Variants in KCNH6 observed in about 807,000 individuals in gnomAD.
KCNH6 encodes the protein voltage-gated inwardly rectifying potassium channel KCNH6.
Under a neutral mutation model 83.4 loss-of-function variants are expected in KCNH6, and 81 were observed. That is an observed-to-expected ratio of 0.97 (90% CI 0.81 to 1.17). The LOEUF (loss-of-function observed/expected upper bound fraction) is 1.17. KCNH6 is among the 50% of genes most tolerant of loss of function. KCNH6 has a pLI of 0.00. For missense variants in KCNH6, 1,203 were observed against 1,290.5 expected (o/e 0.93, Z 1.04); for synonymous variants, 503 against 545.6 (o/e 0.92, Z 1.09).
chr17:63,542,399 T>C lies in KCNH6; in HGVS notation c.2113T>C (p.Trp705Arg). The C allele has an allele frequency of 6.2e-7, 1 of 1,614,120 alleles. No homozygotes were observed. Among genetic ancestry groups the C allele is most frequent in the Non-Finnish European group, 8.5e-7 (1 of 1,180,014 alleles). ...DMYPAFAESF[W>R]SKLEVTFNLR... Reference sequence around the variant, plus strand: ...GTACCCGGCCTTTGCGGAGAGCTTCTGGAGTAAGCTGGAGGTCACCTTCAA... The same window carrying C: ...GTACCCGGCCTTTGCGGAGAGCTTCCGGAGTAAGCTGGAGGTCACCTTCAA... The change falls in exon 9 of 13, where the codon TGG becomes CGG. Residue 705 changes from tryptophan to arginine, a missense_variant. Trp to Arg is a moderately radical substitution (Grantham distance 101). Coordinates refer to ENST00000314672, the MANE Select transcript of KCNH6 (RefSeq NM_001278919.2).
At chr17:63,543,029 G>A (rs1227078800) in intron 9 of KCNH6, among the ~76,000 whole-genome samples, 1 of 152,246 alleles carries the variant, frequency 6.6e-6, no homozygotes, top group African/African-American at 2.4e-5. Flanking sequence ...GCTAAGGAGT[G>A]GGACAGCCAG....
At position 63,533,553 on chromosome 17, in the gene KCNH6, A is replaced by C. The variant is rs1040100638; in HGVS notation, c.676-333A>C. Among the ~76,000 whole-genome samples the C allele has an allele frequency of 2.0e-5, 3 of 152,044 alleles. No homozygotes were observed. The highest frequency in any genetic ancestry group is 7.3e-5 in the African/African-American group (3 of 41,366). On this transcript the variant is annotated intron_variant, in intron 4 of 12. Coordinates refer to ENST00000314672, the MANE Select transcript of KCNH6 (RefSeq NM_001278919.2). The surrounding 1 kb of genome is among the most constrained non-coding windows in gnomAD (Gnocchi z 4.1). ...GTGTGGAATGGGTCTATAGATGTCC[A>C]TGGGCCTGGCCCTCCCCTGCCTGGC...
In KCNH6 at chr17:63,523,767, C is replaced by T. The variant is rs1481509750; in HGVS notation, c.76+278C>T. Among the ~76,000 whole-genome samples the T allele has an allele frequency of 1.3e-5, 2 of 152,138 alleles. No individual in the cohort carries two copies. The highest frequency in any genetic ancestry group is 4.8e-5 in the African/African-American group (2 of 41,424). On this transcript the variant is annotated intron_variant, in intron 1 of 12. Transcript: ENST00000314672. This position sits in a 1 kb window ranked among gnomAD's most constrained non-coding sequence, Gnocchi z 4.2. ...TGCCCCAAGTTCGAACCTCCCCTTC[C>T]AGCCACTGCCTGCCCCCTCATCCGC...
chr17:63,533,864 C>T lies in KCNH6; in HGVS notation c.676-22C>T. On this transcript the variant is annotated intron_variant, in intron 4 of 12. Coordinates refer to ENST00000314672, the MANE Select transcript of KCNH6 (RefSeq NM_001278919.2). The surrounding 1 kb of genome is among the most constrained non-coding windows in gnomAD (Gnocchi z 4.1). The stretch of plus-strand genomic sequence containing the variant: ...CAGCAGTGGCTGCCCCGTGCCTGAC[C>T]TCCCTCGGCCCCCACCCCCAGGTCC... The T allele has an allele frequency of 1.9e-6, 3 of 1,600,502 alleles. No individual in the cohort carries two copies. Among genetic ancestry groups the T allele is most frequent in the Middle Eastern group, 1.7e-4 (1 of 5,994 alleles).
chr17:63,528,301 G>A (rs988581741), intron 2 of KCNH6, among the ~76,000 whole-genome samples: 2 of 152,208 alleles, frequency 1.3e-5, no homozygotes, highest in Non-Finnish European at 2.9e-5. Context: ...ATGTGCCCAG[G>A]AGTGGGTGAA....
At chr17:63,524,664 A>C (rs1466257009) in intron 2 of KCNH6, among the ~76,000 whole-genome samples, 1 of 152,134 alleles carries the variant, frequency 6.6e-6, no homozygotes, top group East Asian at 1.9e-4. Context: ...TCTTACTGTC[A>C]GCCCCAGCGG....
chr17:63,534,126 A>G lies in KCNH6; in HGVS notation c.916A>G (p.Ile306Val), dbSNP rs748708090. The change falls in exon 5 of 13, where the codon ATC becomes GTC. Residue 306 changes from isoleucine (I) to valine (V), a missense_variant. Physicochemically the swap from Ile to Val is conservative, Grantham distance 29. Coordinates refer to ENST00000314672, the MANE Select transcript of KCNH6 (RefSeq NM_001278919.2). This position sits in a 1 kb window ranked among gnomAD's most constrained non-coding sequence, Gnocchi z 5.0. ...CAGTCCCCTCACTGTGGTGGATCTC[A>G]TCGTGGACATCATGTTCGTCGTGGA... ...TCSPLTVVDL[I>V]VDIMFVVDIV... 1.3e-5 allele frequency: 20 copies of G among 1,591,834 alleles called. No homozygotes were observed. The East Asian group carries it at 3.4e-4, about 27-fold the overall frequency.
intron 2 of KCNH6, among the ~76,000 whole-genome samples, chr17:63,524,747 C>CT (rs550341609): frequency 1.0e-3 from 154 of 152,330 alleles, no homozygotes; most frequent in Admixed American, 1.7e-3. Context: ...GAGTCACCTC[C>CT]TGAAGACCTC....
chr17:63,529,898 C>T (rs2031968934), intron 2 of KCNH6, among the ~76,000 whole-genome samples, 193 bp from the exon 3 acceptor site: 1 of 152,230 alleles, frequency 6.6e-6, no homozygotes, highest in Non-Finnish European at 1.5e-5. Context: ...GCTCTCCCCA[C>T]CTCTGCCCTG....
intron 9 of KCNH6, 68 bp downstream of exon 9, chr17:63,542,502 C>A: frequency 7.3e-7 from 1 of 1,368,904 alleles, no homozygotes; most frequent in Non-Finnish European, 1.0e-6. Context: ...CTGAGGGCAC[C>A]CATCTGACCA....
downstream of KCNH6, among the ~76,000 whole-genome samples, chr17:63,548,465 C>T (rs1047059210): frequency 6.6e-6 from 1 of 152,068 alleles, no homozygotes; most frequent in African/African-American, 2.4e-5. Flanking sequence ...ACTGCACCAC[C>T]ACCTGGATAA....
At position 63,546,009 on chromosome 17, in the gene KCNH6, T is replaced by C; in HGVS notation, c.*107T>C. On this transcript the variant is annotated 3_prime_UTR_variant, in exon 13 of 13. Transcript: ENST00000314672. Reference sequence around the variant, plus strand: ...TGGCTCGCCTGTAATCCCAGCACTTTGGGAGGCCGAGGCGGGCGGATCAGA... The same window carrying C: ...TGGCTCGCCTGTAATCCCAGCACTTCGGGAGGCCGAGGCGGGCGGATCAGA... The C allele has an allele frequency of 9.5e-7, 1 of 1,057,346 alleles. No individual in the cohort carries two copies. Among genetic ancestry groups the C allele is most frequent in the Non-Finnish European group, 1.4e-6 (1 of 728,318 alleles). The allele number at this position is 1,057,346 out of a possible 1,614,324, so 65.5% of individuals were successfully genotyped here. A position where few individuals can be genotyped will look rare whatever the true frequency, so the allele number is the denominator to read the frequency against.
chr17:63,534,051 C>G lies in KCNH6; in HGVS notation c.841C>G (p.Leu281Val). ...AVFTPYSAAF[L>V]LSDQDESRRG... Reference sequence around the variant, plus strand: ...CTTCACGCCCTACTCAGCCGCCTTCCTGCTCAGCGATCAGGACGAATCACG... The same window carrying G: ...CTTCACGCCCTACTCAGCCGCCTTCGTGCTCAGCGATCAGGACGAATCACG... Residue 281 changes from leucine (L) to valine (V), a missense_variant, in exon 5 of 13, where the codon CTG becomes GTG. Transcript: ENST00000314672. This position sits in a 1 kb window ranked among gnomAD's most constrained non-coding sequence, Gnocchi z 5.0. 2 of 1,614,208 alleles carry G rather than the reference C, an allele frequency of 1.2e-6. No homozygotes were observed. The highest frequency in any genetic ancestry group is 1.1e-5 in the South Asian group (1 of 91,090).
intron 2 of KCNH6, among the ~76,000 whole-genome samples, chr17:63,529,581 G>T (rs922312911): frequency 5.3e-5 from 8 of 152,182 alleles, no homozygotes; most frequent in Non-Finnish European, 8.8e-5. Flanking sequence ...GCCCCCCAAG[G>T]ACCTCCTGAG....
Position 63,545,862 on chromosome 17 carries a change from A to G in KCNH6, c.2837A>G (p.His946Arg). 2 of 1,614,040 alleles carry G rather than the reference A, an allele frequency of 1.2e-6. No individual in the cohort carries two copies. Among genetic ancestry groups the G allele is most frequent in the Non-Finnish European group, 1.7e-6 (2 of 1,180,020 alleles). ...SVPKQLDFQRHGSDPGFAGSW... is the reference protein window; with the variant it reads ...SVPKQLDFQRRGSDPGFAGSW... ...CCCAAGCAGCTGGACTTCCAGAGACATGGCTCAGATCCTGGATTTGCAGGG... is the reference window on the plus strand; with the variant it reads ...CCCAAGCAGCTGGACTTCCAGAGACGTGGCTCAGATCCTGGATTTGCAGGG... The change falls in exon 13 of 13, where the codon CAT becomes CGT. Residue 946 changes from histidine to arginine, a missense_variant. Physicochemically the swap from His to Arg is conservative, Grantham distance 29. Transcript: ENST00000314672.
In KCNH6 at chr17:63,546,027, G is replaced by A. The variant is rs1442169799; in HGVS notation, c.*125G>A. 1.4e-5 allele frequency: 11 copies of A among 805,966 alleles called. No individual in the cohort carries two copies. The highest frequency in any genetic ancestry group is 7.9e-5 in the East Asian group (3 of 37,990). 49.9% of individuals were successfully genotyped at this position (805,966 alleles called of 1,614,324 possible). ...AGCACTTTGGGAGGCCGAGGCGGGC[G>A]GATCAGACCATCCTGGCTAACACGG... On this transcript the variant is annotated 3_prime_UTR_variant, in exon 13 of 13. Coordinates refer to ENST00000314672, the MANE Select transcript of KCNH6 (RefSeq NM_001278919.2).
intron 4 of KCNH6, among the ~76,000 whole-genome samples, chr17:63,531,846 T>C (rs1023347392): frequency 2.6e-5 from 4 of 152,230 alleles, no homozygotes; most frequent in African/African-American, 9.6e-5. Flanking sequence ...CCTACCCGTT[T>C]GTTCCTCAGC....
At position 63,538,178 on chromosome 17, in the gene KCNH6, CA is replaced by C. The variant is rs2032627363; in HGVS notation, c.1616del (p.His539ProfsTer27). 6 of 1,614,192 alleles carry C rather than the reference CA, an allele frequency of 3.7e-6. No individual in the cohort carries two copies. Among genetic ancestry groups the C allele is most frequent in the Non-Finnish European group, 5.1e-6 (6 of 1,179,992 alleles). On this transcript the variant is annotated frameshift_variant, in exon 7 of 13. Coordinates refer to ENST00000314672, the MANE Select transcript of KCNH6 (RefSeq NM_001278919.2). LOFTEE classifies it high-confidence loss of function. This position sits in a 1 kb window ranked among gnomAD's most constrained non-coding sequence, Gnocchi z 4.0. Reference sequence around the variant, plus strand: ...GCGTGTCAAGGAGTTCATCCGCTTCCACCAGATCCCCAACCCACTGCGCCAG... The same window carrying C: ...GCGTGTCAAGGAGTTCATCCGCTTCCCCAGATCCCCAACCCACTGCGCCAG... Reference protein sequence around the residue: ...MLRVKEFIRFHQIPNPLRQRL... With the variant: ...MLRVKEFIRFXQIPNPLRQRL...
intron 2 of KCNH6, among the ~76,000 whole-genome samples, chr17:63,529,868 T>C (rs1018235996): frequency 3.9e-5 from 6 of 152,142 alleles, no homozygotes; most frequent in African/African-American, 1.4e-4. Context: ...CTACCTTATC[T>C]CCTAATAAGC....
Sources: gnomAD v4.1 joint callset for allele counts (sites outside exome capture counted in the v4.1 genomes callset) on GRCh38, gnomAD v4.1.1 for gene constraint, Gnocchi (gnomAD v3.1) non-coding constraint, MANE v1.5 for transcripts, NCBI Gene and HGNC (gene_info 2026-07-23, HGNC 2026-07-21) for gene names.